Variants in SDK1 observed in about 807,000 individuals in gnomAD.
The protein encoded by SDK1 is protein sidekick-1.
In SDK1, 157 loss-of-function variants were observed where a neutral mutation model predicts 245.5. The observed-to-expected ratio is 0.64, with a 90% confidence interval of 0.56 to 0.73. The LOEUF (loss-of-function observed/expected upper bound fraction) is 0.73. Among genes scored for constraint, SDK1 ranks in the 30% least tolerant of loss-of-function variants. The pLI is 0.00. For synonymous variants in SDK1, 1,647 were observed against 1,278.5 expected, an observed-to-expected ratio of 1.29 and a Z score of -6.15; for missense variants, 3,583 against 3,002.3, an observed-to-expected ratio of 1.19 and a Z score of -4.52.
At chr7:4,095,793 C>T (rs1038601208) in intron 22 of SDK1, among the ~76,000 whole-genome samples, 2 of 152,146 alleles carry the variant, frequency 1.3e-5, no homozygotes, top group African/African-American at 2.4e-5. Flanking sequence ...AGGCTGGTCT[C>T]GAACTTTTGA....
intron 5 of SDK1, among the ~76,000 whole-genome samples, chr7:3,915,489 G>T (rs1779340584): frequency 6.6e-6 from 1 of 152,134 alleles, no homozygotes; most frequent in Non-Finnish European, 1.5e-5. Flanking sequence ...TTTCTGAGGG[G>T]TTTCCCCTTT....
chr7:3,928,442 G>C (rs1389636748), intron 5 of SDK1, among the ~76,000 whole-genome samples: 1 of 152,060 alleles, frequency 6.6e-6, no homozygotes, highest in African/African-American at 2.4e-5. Context: ...ATTATTTGAT[G>C]GTAATGATGA....
At chr7:4,173,045 C>T (rs147667287) in intron 32 of SDK1, among the ~76,000 whole-genome samples, 157 of 152,358 alleles carry the variant, frequency 1.0e-3, no homozygotes, top group African/African-American at 3.7e-3. Flanking sequence ...CAAAGGGGCT[C>T]TCGTGCAGCA....
intron 1 of SDK1, among the ~76,000 whole-genome samples, chr7:3,464,289 C>G (rs1171315258): frequency 6.6e-6 from 1 of 152,088 alleles, no homozygotes; most frequent in Non-Finnish European, 1.5e-5. Flanking sequence ...TTTCGGAGGC[C>G]AAGGCGGGAA....
intron 40 of SDK1, among the ~76,000 whole-genome samples, chr7:4,222,797 C>A (rs1584479987): frequency 6.6e-6 from 1 of 152,244 alleles, no homozygotes; most frequent in East Asian, 1.9e-4. Flanking sequence ...TTGGCAGGGG[C>A]CTCCTGTGGT....
At chr7:4,051,934 C>G (rs1294911449) in intron 19 of SDK1, 104 bp downstream of exon 19, 1 of 1,113,724 alleles carries the variant, frequency 9.0e-7, no homozygotes, top group African/African-American at 1.6e-5. Flanking sequence ...ACGAGGAGGC[C>G]CCGGATTTTT....
chr7:3,777,586 C>T (rs1780603158), intron 4 of SDK1, among the ~76,000 whole-genome samples: 1 of 152,194 alleles, frequency 6.6e-6, no homozygotes, highest in African/African-American at 2.4e-5. Flanking sequence ...TCTAAAGGAC[C>T]TGAGCCCCCT....
chr7:3,539,061 C>T (rs1006535879), intron 1 of SDK1, among the ~76,000 whole-genome samples: 1 of 152,106 alleles, frequency 6.6e-6, no homozygotes, highest in African/African-American at 2.4e-5. Context: ...TGAATACTTT[C>T]TGCGATCATT....
chr7:3,589,769 C>A lies in SDK1; in HGVS notation c.299-29311C>A, dbSNP rs535915235. Among the ~76,000 whole-genome samples the A allele has an allele frequency of 7.1e-4, 108 of 152,282 alleles. 1 individual carries two copies. The highest frequency in any genetic ancestry group is 9.9e-4 in the Non-Finnish European group (67 of 68,020). On this transcript the variant is annotated intron_variant, in intron 1 of 44. Coordinates refer to ENST00000404826, the MANE Select transcript of SDK1 (RefSeq NM_152744.4). The stretch of plus-strand genomic sequence containing the variant: ...ATGATTCGATTGCCTCCCACTGGGT[C>A]CCTCATGACACATGGGGATTATGGG...
intron 5 of SDK1, among the ~76,000 whole-genome samples, chr7:3,934,990 A>G (rs910613075): frequency 3.3e-5 from 5 of 152,180 alleles, no homozygotes; most frequent in Non-Finnish European, 7.3e-5. Flanking sequence ...AAGCCTGGAT[A>G]TTTATGCATC....
intron 35 of SDK1, among the ~76,000 whole-genome samples, chr7:4,196,932 A>G (rs550450356): frequency 1.3e-5 from 2 of 152,250 alleles, no homozygotes; most frequent in African/African-American, 4.8e-5. Context: ...CTAAGGCCAT[A>G]GCTAGGAAAG....
At chr7:3,913,198 C>CA (rs1779241128) in intron 5 of SDK1, among the ~76,000 whole-genome samples, 1 of 152,134 alleles carries the variant, frequency 6.6e-6, no homozygotes, top group Non-Finnish European at 1.5e-5. Flanking sequence ...GCTCCTGGCT[C>CA]GCGCTAAGCG....
At chr7:3,794,092 T>C (rs1438071906) in intron 4 of SDK1, among the ~76,000 whole-genome samples, 1 of 152,210 alleles carries the variant, frequency 6.6e-6, no homozygotes, top group African/African-American at 2.4e-5. Context: ...ACTCTTTGAA[T>C]CTATTTTACG....
intron 1 of SDK1, among the ~76,000 whole-genome samples, chr7:3,609,286 TGCTGC>T (rs568152456): frequency 4.4e-4 from 67 of 152,356 alleles, no homozygotes; most frequent in African/African-American, 1.5e-3. Flanking sequence ...CTTTGAGAAC[TGCTGC>T]TCTTGAAGAA....
intron 1 of SDK1, among the ~76,000 whole-genome samples, chr7:3,334,478 G>GAAAGCACA (rs1256082771): frequency 6.6e-6 from 1 of 152,032 alleles, no homozygotes; most frequent in Non-Finnish European, 1.5e-5. Flanking sequence ...GAGAGTGTGA[G>GAAAGCACA]AAAGCACAGG....
chr7:4,197,233 G>C (rs1783631645), intron 35 of SDK1, among the ~76,000 whole-genome samples: 1 of 152,080 alleles, frequency 6.6e-6, no homozygotes, highest in Non-Finnish European at 1.5e-5. Flanking sequence ...GGAGGCCGAG[G>C]TGGGAGGATT....
At chr7:4,045,961 TG>T (rs1224184231) in intron 17 of SDK1, among the ~76,000 whole-genome samples, 1 of 152,162 alleles carries the variant, frequency 6.6e-6, no homozygotes, top group Admixed American at 6.5e-5. Context: ...TCTTTTTTTT[TG>T]TTTTTTTCTT....
At chr7:3,430,720 T>C (rs1014322362) in intron 1 of SDK1, among the ~76,000 whole-genome samples, 1 of 152,178 alleles carries the variant, frequency 6.6e-6, no homozygotes, top group Non-Finnish European at 1.5e-5. Flanking sequence ...CGTGGCTTGT[T>C]AGGAATCTAT....
intron 13 of SDK1, among the ~76,000 whole-genome samples, chr7:3,983,427 C>G (rs555401415): frequency 6.6e-6 from 1 of 152,264 alleles, no homozygotes; most frequent in South Asian, 2.1e-4. Context: ...CAAGCAGGAC[C>G]CTCCACCAGC....
Sources: allele counts gnomAD v4.1 joint callset (sites outside exome capture counted in the v4.1 genomes callset), GRCh38; gene constraint gnomAD v4.1.1; transcripts MANE v1.5; gene names NCBI Gene and HGNC (gene_info 2026-07-23, HGNC 2026-07-21).